MAP4K3: variants seen among roughly 807,000 people sequenced by gnomAD.
The protein encoded by MAP4K3 is mitogen-activated protein kinase kinase kinase kinase 3.
MAP4K3 carries 94 observed loss-of-function variants against 143.5 expected under a neutral mutation model. That is an observed-to-expected ratio of 0.65 (90% CI 0.55 to 0.78). The LOEUF (loss-of-function observed/expected upper bound fraction) is 0.78. Among genes scored for constraint, MAP4K3 ranks in the 30% least tolerant of loss-of-function variants. MAP4K3 has a pLI of 0.00. For synonymous variants in MAP4K3, 416 were observed against 347.2 expected, an observed-to-expected ratio of 1.20 and a Z score of -2.20; for missense variants, 1,077 against 1,068.1, an observed-to-expected ratio of 1.01 and a Z score of -0.12.
chr2:39,378,835 T>A (rs577044298), intron 1 of MAP4K3, among the ~76,000 whole-genome samples: 1 of 151,778 alleles, frequency 6.6e-6, no homozygotes, highest in African/African-American at 2.4e-5. Flanking sequence ...TGTATAATTA[T>A]GTATATAAGT....
chr2:39,320,176 TATAA>T (rs1415421598), intron 12 of MAP4K3, among the ~76,000 whole-genome samples: 4 of 152,278 alleles, frequency 2.6e-5, no homozygotes, highest in Middle Eastern at 3.4e-3. Flanking sequence ...TCGAGTTAAA[TATAA>T]ATAAATAGTC....
At chr2:39,255,585 A>G (rs563522496) in intron 31 of MAP4K3, among the ~76,000 whole-genome samples, 1 of 152,266 alleles carries the variant, frequency 6.6e-6, no homozygotes, top group East Asian at 1.9e-4. Flanking sequence ...CACTACCTTA[A>G]TCACTATGGC....
chr2:39,427,996 T>C (rs1665148829), intron 1 of MAP4K3, among the ~76,000 whole-genome samples: 1 of 152,212 alleles, frequency 6.6e-6, no homozygotes, highest in Admixed American at 6.5e-5. Context: ...TTCTCCACAA[T>C]CGCAAATACA....
chr2:39,313,310 C>T (rs1464063552), intron 13 of MAP4K3, among the ~76,000 whole-genome samples: 1 of 152,064 alleles, frequency 6.6e-6, no homozygotes, highest in East Asian at 1.9e-4. Context: ...CAGATTATTT[C>T]GTCACCCAGG....
intron 31 of MAP4K3, among the ~76,000 whole-genome samples, chr2:39,256,845 C>T (rs1192061061): frequency 1.3e-5 from 2 of 152,108 alleles, no homozygotes; most frequent in Non-Finnish European, 2.9e-5. Flanking sequence ...GTACCACAAG[C>T]AATGAACTTG....
chr2:39,341,641 G>C (rs1343472407), intron 4 of MAP4K3, among the ~76,000 whole-genome samples: 2 of 150,022 alleles, frequency 1.3e-5, no homozygotes, highest in Non-Finnish European at 1.5e-5. Flanking sequence ...GCGCGACAGA[G>C]CAAGACTCCG....
rs978885436 is a variant in MAP4K3, at chr2:39,383,352, A to T, written c.97-5229T>A. ...AAGAGGGGAAGCCCCTTATAAAACC[A>T]TCAGATCTCATGAGAACTCACTATC... On this transcript the variant is annotated intron_variant, in intron 1 of 33. Coordinates refer to ENST00000263881, the MANE Select transcript of MAP4K3 (RefSeq NM_003618.4). Among the ~76,000 whole-genome samples the T allele has an allele frequency of 3.3e-5, 5 of 152,088 alleles. No individual in the cohort carries two copies. The East Asian group carries it at 7.7e-4, about 24-fold the overall frequency.
chr2:39,289,481 T>TA (rs1401711437), intron 19 of MAP4K3, among the ~76,000 whole-genome samples: 4 of 152,008 alleles, frequency 2.6e-5, no homozygotes, highest in South Asian at 2.1e-4. Flanking sequence ...ATTTTACCTT[T>TA]AAAAAAAACA....
chr2:39,286,642 T>C (rs913962466), intron 21 of MAP4K3, among the ~76,000 whole-genome samples: 1 of 152,216 alleles, frequency 6.6e-6, no homozygotes, highest in East Asian at 1.9e-4. Flanking sequence ...ATGTAAACGA[T>C]AAAAAGCCAT....
At chr2:39,406,791 A>G (rs1044815800) in intron 1 of MAP4K3, among the ~76,000 whole-genome samples, 15 of 152,210 alleles carry the variant, frequency 9.9e-5, no homozygotes, top group African/African-American at 3.6e-4. Flanking sequence ...CTGAAGGTAT[A>G]AAACTCACTG....
chr2:39,272,153 G>T, intron 26 of MAP4K3, 130 bp downstream of exon 26: 1 of 660,182 alleles, frequency 1.5e-6, no homozygotes, highest in Non-Finnish European at 2.6e-6. Context: ...ACTTGTTAAT[G>T]TATATTACTT....
intron 1 of MAP4K3, among the ~76,000 whole-genome samples, chr2:39,433,973 A>G (rs927389280): frequency 1.3e-5 from 2 of 152,240 alleles, no homozygotes; most frequent in Non-Finnish European, 2.9e-5. Flanking sequence ...TGATTTCACA[A>G]GGTCACATAG....
At chr2:39,310,304 G>A (rs1037554797) in intron 13 of MAP4K3, among the ~76,000 whole-genome samples, 2 of 152,072 alleles carry the variant, frequency 1.3e-5, no homozygotes, top group Non-Finnish European at 2.9e-5. Flanking sequence ...CTACCTCCAT[G>A]AGATCAACTT....
Position 39,278,482 on chromosome 2 carries a change from C to T in MAP4K3, c.1719G>A (p.Gln573=), listed in dbSNP as rs752840434. The change falls in exon 24 of 34, where the codon CAG becomes CAA. Residue 573 remains glutamine (Q), a synonymous_variant. Coordinates refer to ENST00000263881, the MANE Select transcript of MAP4K3 (RefSeq NM_003618.4). The part of the protein sequence containing the change: ...SSWINPDTRD[Q]YLIFGAEEGI... ...CTTCTTCGGCACCAAATATCAAGTACTGATCTGAAATAAAAGTAATTCACT... is the reference window on the plus strand; with the variant it reads ...CTTCTTCGGCACCAAATATCAAGTATTGATCTGAAATAAAAGTAATTCACT... 21 of 1,567,932 alleles carry T rather than the reference C, an allele frequency of 1.3e-5. 1 individual carries two copies. In the South Asian group the frequency reaches 2.5e-4, roughly 19 times the overall value.
At chr2:39,347,674 T>C (rs144215691) in intron 3 of MAP4K3, among the ~76,000 whole-genome samples, 12 of 152,272 alleles carry the variant, frequency 7.9e-5, no homozygotes, top group Non-Finnish European at 1.2e-4. Flanking sequence ...TAAATTAACT[T>C]AAAGATGTTT....
intron 4 of MAP4K3, among the ~76,000 whole-genome samples, chr2:39,342,772 C>T (rs1337164304): frequency 1.3e-5 from 2 of 151,900 alleles, no homozygotes; most frequent in Non-Finnish European, 2.9e-5. Flanking sequence ...AAAAGGTCCA[C>T]AATATTTTCT....
At chr2:39,319,275 A>G (rs1362582924) in intron 12 of MAP4K3, among the ~76,000 whole-genome samples, 1 of 151,656 alleles carries the variant, frequency 6.6e-6, no homozygotes, top group Non-Finnish European at 1.5e-5. Flanking sequence ...CCTTACCCCA[A>G]TTTTCTCCCT....
chr2:39,434,762 T>A (rs1413303704), intron 1 of MAP4K3, among the ~76,000 whole-genome samples: 1 of 152,222 alleles, frequency 6.6e-6, no homozygotes, highest in East Asian at 1.9e-4. Context: ...AACTGCAAAA[T>A]GGAGTTAACA....
At chr2:39,332,428 T>C (rs953350477) in intron 7 of MAP4K3, among the ~76,000 whole-genome samples, 1 of 152,076 alleles carries the variant, frequency 6.6e-6, no homozygotes, top group African/African-American at 2.4e-5. Context: ...GTAAGTCTAC[T>C]TGCAGCTTGA....
Sources: allele counts gnomAD v4.1 joint callset (sites outside exome capture counted in the v4.1 genomes callset), GRCh38; gene constraint gnomAD v4.1.1; transcripts MANE v1.5; gene names NCBI Gene and HGNC (gene_info 2026-07-23, HGNC 2026-07-21).